ZBTB5: variants seen among roughly 807,000 people sequenced by gnomAD.
The protein encoded by ZBTB5 is zinc finger and BTB domain-containing protein 5.
A neutral mutation model predicts 37.9 loss-of-function variants in ZBTB5; 15 were observed. The observed-to-expected ratio is 0.40, with a 90% CI of 0.26 to 0.61. The LOEUF (loss-of-function observed/expected upper bound fraction) is 0.61, where lower values mean the gene tolerates loss of function less well. Ranked by LOEUF, ZBTB5 falls within the 20% of genes least tolerant of loss-of-function variation. The probability of loss-of-function intolerance (pLI) is 0.47; values close to 1 mark genes in which losing one functional copy is unlikely to be tolerated. For missense variants in ZBTB5, 708 were observed against 856.8 expected, an observed-to-expected ratio of 0.83 and a Z score of 2.17; for synonymous variants, 315 against 312.4, an observed-to-expected ratio of 1.01 and a Z score of -0.09.
Position 37,440,690 on chromosome 9 carries a change from G to C in ZBTB5, c.1862C>G (p.Thr621Ser). ...RKYACKICCK[T>S]FLTLTDCKKH... ...CTTGCAATCTGTCAAAGTCAGAAAA[G>C]TTTTGCAGCAGATTTTGCAGGCATA... is the stretch of plus-strand genomic sequence containing the variant. The change falls in exon 2 of 2, where the codon ACT (threonine) becomes AGT (serine). Residue 621 changes from threonine to serine, a missense_variant. Physicochemically the swap from Thr to Ser is moderately conservative, Grantham distance 58 (BLOSUM62 1). This residue lies in a region of ZBTB5 where 42 missense variants were observed against 107.9 expected (regional missense o/e 0.39). Transcript: ENST00000307750. 6.2e-7 allele frequency: 1 copy of C among 1,614,274 alleles called. No homozygotes were observed. The highest frequency in any genetic ancestry group is 8.5e-7 in the Non-Finnish European group (1 of 1,180,054).
chr9:37,461,530 C>A (rs1438212058), intron 1 of ZBTB5, among the ~76,000 whole-genome samples: 1 of 152,172 alleles, frequency 6.6e-6, no homozygotes, highest in South Asian at 2.1e-4. Flanking sequence ...GAGTTCAAGA[C>A]CAGCCTGGCC....
At chr9:37,464,522 T>G (rs538029571) in intron 1 of ZBTB5, among the ~76,000 whole-genome samples, 1 of 152,174 alleles carries the variant, frequency 6.6e-6, no homozygotes, top group East Asian at 1.9e-4. Flanking sequence ...AAAATGACCA[T>G]TATGAAAGGA....
intron 1 of ZBTB5, among the ~76,000 whole-genome samples, chr9:37,458,368 C>A (rs1824230197): frequency 6.6e-6 from 1 of 152,236 alleles, no homozygotes; most frequent in South Asian, 2.1e-4. Context: ...TTCTGAAATA[C>A]AAGTTGCCTC....
Position 37,440,933 on chromosome 9 carries a change from G to A in ZBTB5, c.1619C>T (p.Pro540Leu). The change falls in exon 2 of 2, where the codon CCC (proline) becomes CTC (leucine). Residue 540 changes from proline (P) to leucine (L), a missense_variant. Physicochemically the swap from Pro to Leu is moderately conservative, Grantham distance 98. This residue lies in a region of ZBTB5 where 639 missense variants were observed against 690.5 expected (regional missense o/e 0.93). Coordinates refer to ENST00000307750, the MANE Select transcript of ZBTB5 (RefSeq NM_014872.3). ...GACGGAAGTTACAACTGGCATTTTG[G>A]GAGCTATGCGGCGGTAGTAAGGAAA... ...SNFPYYRRIA[P>L]KMPVVTSVRS... 1 of 1,614,182 alleles carries A rather than the reference G, an allele frequency of 6.2e-7. No homozygotes were observed. Among genetic ancestry groups the A allele is most frequent in the Non-Finnish European group, 8.5e-7 (1 of 1,180,026 alleles).
intron 1 of ZBTB5, among the ~76,000 whole-genome samples, chr9:37,452,621 AGAAG>A (rs1391593151): frequency 1.3e-5 from 2 of 151,242 alleles, no homozygotes; most frequent in Non-Finnish European, 3.0e-5. Context: ...AAGGAGCAGG[AGAAG>A]GAAGCAGCAG....
At chr9:37,446,409 C>T (rs1468097930) in intron 1 of ZBTB5, among the ~76,000 whole-genome samples, 2 of 152,228 alleles carry the variant, frequency 1.3e-5, no homozygotes, top group Non-Finnish European at 2.9e-5. Context: ...GCGACTGAGA[C>T]TATTATGCTA....
intron 1 of ZBTB5, among the ~76,000 whole-genome samples, chr9:37,455,269 G>A (rs774863200): frequency 2.6e-5 from 4 of 152,032 alleles, no homozygotes; most frequent in Non-Finnish European, 4.4e-5. Context: ...GGGATGGTCA[G>A]AGAGATCGGC....
At chr9:37,461,387 A>G (rs551507861) in intron 1 of ZBTB5, among the ~76,000 whole-genome samples, 18 of 152,344 alleles carry the variant, frequency 1.2e-4, no homozygotes, top group Non-Finnish European at 2.2e-4. Context: ...AATATCATGC[A>G]TAGAAAAAAA....
intron 1 of ZBTB5, among the ~76,000 whole-genome samples, chr9:37,451,002 A>AC (rs965429295): frequency 4.6e-5 from 7 of 151,834 alleles, no homozygotes; most frequent in African/African-American, 1.7e-4. Context: ...ACATGGTGAG[A>AC]CCCCCGTCTC....
intron 1 of ZBTB5, among the ~76,000 whole-genome samples, chr9:37,456,455 T>C (rs1050435748): frequency 1.3e-5 from 2 of 152,186 alleles, no homozygotes; most frequent in Non-Finnish European, 2.9e-5. Flanking sequence ...TCTGTCAGGG[T>C]TGGCTCAGAA....
rs1158368862 is a variant in ZBTB5, at chr9:37,442,181, A to G, written c.371T>C (p.Leu124Pro). Residue 124 changes from leucine to proline, a missense_variant, in exon 2 of 2, where the codon CTG becomes CCG. Transcript: ENST00000307750. ...ACKHYLTTRT[L>P]PMSPPSERVQ... The stretch of plus-strand genomic sequence containing the variant: ...GCGCTCACTGGGGGGAGACATGGGC[A>G]GCGTCCTTGTCGTTAAGTAATGTTT... The G allele has an allele frequency of 6.2e-7, 1 of 1,614,238 alleles. No homozygotes were observed. Among genetic ancestry groups the G allele is most frequent in the Non-Finnish European group, 8.5e-7 (1 of 1,180,044 alleles).
rs760831667 is a variant in ZBTB5, at chr9:37,441,241, G to A, written c.1311C>T (p.Asp437=). Residue 437 remains aspartate (D), a synonymous_variant, in exon 2 of 2, where the codon GAC becomes GAT. Transcript: ENST00000307750. ...AGGGGGCCTCACTCTCCAGCCTGCA[G>A]TCACTAGTGGTGTTTGGAATATTAT... ...NDDNIPNTTS[D]CRLESEAPYL... 15 of 1,614,212 alleles carry A rather than the reference G, an allele frequency of 9.3e-6. No individual in the cohort carries two copies. In the East Asian group the frequency reaches 2.9e-4, roughly 31 times the overall value.
intron 1 of ZBTB5, among the ~76,000 whole-genome samples, chr9:37,455,456 G>A (rs1306113867): frequency 1.3e-5 from 2 of 152,192 alleles, no homozygotes; most frequent in East Asian, 1.9e-4. Context: ...CAAATACCAA[G>A]AAGGTACTGA....
intron 1 of ZBTB5, among the ~76,000 whole-genome samples, chr9:37,460,329 C>T (rs1358287936): frequency 1.3e-5 from 2 of 151,346 alleles, no homozygotes; most frequent in Non-Finnish European, 2.9e-5. Context: ...CCCAGCTACT[C>T]GGGGGCTGAG....
In ZBTB5 at chr9:37,440,370, A is replaced by C; in HGVS notation, c.*148T>G. 1 of 649,122 alleles carries C rather than the reference A, an allele frequency of 1.5e-6. No individual in the cohort carries two copies. Among genetic ancestry groups the C allele is most frequent in the Admixed American group, 2.9e-5 (1 of 34,066 alleles). 40.2% of individuals were successfully genotyped at this position (649,122 alleles called of 1,614,324 possible). On this transcript the variant is annotated 3_prime_UTR_variant, in exon 2 of 2. Transcript: ENST00000307750. ...CACTCAGAAATGCAGCAGCACAAATACTACATGTTAGTTCTCCGGTTATTA... is the reference window on the plus strand; with the variant it reads ...CACTCAGAAATGCAGCAGCACAAATCCTACATGTTAGTTCTCCGGTTATTA...
chr9:37,442,504 G>A lies in ZBTB5; in HGVS notation c.48C>T (p.Tyr16=). 1 of 1,609,820 alleles carries A rather than the reference G, an allele frequency of 6.2e-7. No homozygotes were observed. Among genetic ancestry groups the A allele is most frequent in the Non-Finnish European group, 8.5e-7 (1 of 1,176,540 alleles). ...HFEQIFQQLN[Y]QRLHGQLCDC... ...CACAGAGCTGGCCATGAAGTCTCTG[G>A]TAGTTCAGCTGCTGGAAGATTTGTT... Residue 16 remains tyrosine, a synonymous_variant, in exon 2 of 2, where the codon TAC becomes TAT. Coordinates refer to ENST00000307750, the MANE Select transcript of ZBTB5 (RefSeq NM_014872.3).
intron 1 of ZBTB5, among the ~76,000 whole-genome samples, chr9:37,443,784 T>A (rs1003550436): frequency 2.0e-5 from 3 of 151,828 alleles, no homozygotes; most frequent in Non-Finnish European, 4.4e-5. Flanking sequence ...TACAAAAAAT[T>A]AGCCGGGCAT....
At chr9:37,453,708 A>C (rs1000435179) in intron 1 of ZBTB5, among the ~76,000 whole-genome samples, 1 of 152,198 alleles carries the variant, frequency 6.6e-6, no homozygotes, top group East Asian at 1.9e-4. Context: ...AGGGAGACCC[A>C]GTCAACTTGG....
intron 1 of ZBTB5, among the ~76,000 whole-genome samples, chr9:37,450,555 T>C (rs976525213): frequency 6.6e-6 from 1 of 152,156 alleles, no homozygotes; most frequent in African/African-American, 2.4e-5. Context: ...ACCAAGGAGA[T>C]GTCAATAGAT....
Sources: allele counts gnomAD v4.1 joint callset (sites outside exome capture counted in the v4.1 genomes callset), GRCh38; gene constraint gnomAD v4.1.1; regional missense constraint gnomAD v4.1.1; transcripts MANE v1.5; gene names NCBI Gene and HGNC (gene_info 2026-07-23, HGNC 2026-07-21).